TAPBP: variants seen among roughly 807,000 people sequenced by gnomAD.
TAPBP encodes the protein TAP binding protein, also known as tapasin.
In TAPBP, 38 loss-of-function variants were observed where a neutral mutation model predicts 45.7. The ratio of observed to expected loss-of-function variants is 0.83; its 90% confidence interval spans 0.64 to 1.09. TAPBP has a LOEUF of 1.09. TAPBP is among the 50% of genes least tolerant of loss of function. The probability of loss-of-function intolerance (pLI) is 0.00; values close to 1 mark genes in which losing one functional copy is unlikely to be tolerated. For missense variants in TAPBP, 513 were observed against 587.3 expected, an observed-to-expected ratio of 0.87 and a Z score of 1.31; for synonymous variants, 226 against 254.8, an observed-to-expected ratio of 0.89 and a Z score of 1.08.
chr6:33,307,296 A>C (rs1581746503), intron 3 of TAPBP, among the ~76,000 whole-genome samples: 1 of 152,130 alleles, frequency 6.6e-6, no homozygotes, highest in Non-Finnish European at 1.5e-5. Flanking sequence ...TCAAAACTAA[A>C]TAAATAAATA....
In TAPBP at chr6:33,304,631, G is replaced by C. The variant is rs555796568; in HGVS notation, c.876C>G (p.Pro292=). The C allele has an allele frequency of 2.9e-5, 46 of 1,565,730 alleles. No individual in the cohort carries two copies. The African/African-American group carries it at 5.0e-4, about 17-fold the overall frequency. Residue 292 remains proline (P), a synonymous_variant, in exon 5 of 8, where the codon CCC becomes CCG. Coordinates refer to ENST00000434618, the MANE Select transcript of TAPBP (RefSeq NM_003190.5). ...GGGTTGCTGGCATCAGGGACACTTTGGGGGGTTCTGGGGAAAGAGGACGAA... is the reference window on the plus strand; with the variant it reads ...GGGTTGCTGGCATCAGGGACACTTTCGGGGGTTCTGGGGAAAGAGGACGAA... ...VTLELAVYKP[P]KVSLMPATLA...
rs1046755225 is a variant in TAPBP at position 33,299,779 on chromosome 6, C to A, written c.*1981G>T. 6.6e-6 allele frequency: 1 copy of A among 152,378 alleles called. No individual in the cohort carries two copies. Among genetic ancestry groups the A allele is most frequent in the Non-Finnish European group, 1.5e-5 (1 of 68,180 alleles). The allele number at this position is 152,378 out of a possible 1,614,324, so 9.4% of individuals were successfully genotyped here. A position where few individuals can be genotyped will look rare whatever the true frequency, so the allele number is the denominator to read the frequency against. ...TGGCCGACCGTCCTGACTCGGAGAT[C>A]CCTGAGCTGCGCCGCCGCTTCCTTC... On this transcript the variant is annotated 3_prime_UTR_variant, in exon 8 of 8. Coordinates refer to ENST00000434618, the MANE Select transcript of TAPBP (RefSeq NM_003190.5). The surrounding 1 kb of genome is among the most constrained non-coding windows in gnomAD (Gnocchi z 5.0).
chr6:33,313,055 G>T lies in TAPBP; in HGVS notation c.469+162C>A, dbSNP rs1231294792. The T allele has an allele frequency of 1.7e-5, 12 of 726,040 alleles. No homozygotes were observed. The highest frequency in any genetic ancestry group is 1.6e-4 in the African/African-American group (9 of 56,202). 45.0% of individuals were successfully genotyped at this position (726,040 alleles called of 1,614,324 possible). ...TAACTGGGTGAGGGCTAGAAGGAGCGGTAGAGATTGATTCATTCTAGCCAA... is the reference window on the plus strand; with the variant it reads ...TAACTGGGTGAGGGCTAGAAGGAGCTGTAGAGATTGATTCATTCTAGCCAA... On this transcript the variant is annotated intron_variant, in intron 3 of 7. Transcript: ENST00000434618. This position sits in a 1 kb window ranked among gnomAD's most constrained non-coding sequence, Gnocchi z 7.2.
chr6:33,301,978 G>T (rs1254772474), intron 7 of TAPBP, among the ~76,000 whole-genome samples: 1 of 152,024 alleles, frequency 6.6e-6, no homozygotes, highest in Non-Finnish European at 1.5e-5. Flanking sequence ...CCTCCTAAAA[G>T]TCCTCTCAGG....
chr6:33,303,397 C>T (rs944434831), intron 7 of TAPBP, among the ~76,000 whole-genome samples: 2 of 151,632 alleles, frequency 1.3e-5, no homozygotes, highest in African/African-American at 2.4e-5. Flanking sequence ...CCAGCCTGGG[C>T]GACAGAGACT....
Position 33,304,700 on chromosome 6 carries a change from C to T in TAPBP, c.869-62G>A, listed in dbSNP as rs905583435. ...GTCCATACTGTCCTCCCTAAGAGAC[C>T]CTCAGTTTGCCTGCTGGCTTCCTCA... On this transcript the variant is annotated intron_variant, in intron 4 of 7. Coordinates refer to ENST00000434618, the MANE Select transcript of TAPBP (RefSeq NM_003190.5). The T allele has an allele frequency of 5.4e-6, 8 of 1,479,624 alleles. No homozygotes were observed. The African/African-American group carries it at 7.0e-5, about 13-fold the overall frequency. The allele number at this position is 1,479,624 out of a possible 1,614,324, so 91.7% of individuals were successfully genotyped here.
At position 33,304,311 on chromosome 6, in the gene TAPBP, G is replaced by T. The variant is rs372354865; in HGVS notation, c.1196C>A (p.Thr399Asn). 1.9e-5 allele frequency: 31 copies of T among 1,603,180 alleles called. No individual in the cohort carries two copies. The African/African-American group carries it at 3.9e-4, about 20-fold the overall frequency. ...LPASGRSAEVTLEVAGLSGPS... is the reference protein window; with the variant it reads ...LPASGRSAEVNLEVAGLSGPS... ...CCAGCTCTTACCTGCTACCTCCAGG[G>T]TGACCTCAGCGCTGCGCCCCGAGGC... The change falls in exon 5 of 8, where the codon ACC (threonine) becomes AAC (asparagine). Residue 399 changes from threonine (T) to asparagine (N), a missense_variant. Transcript: ENST00000434618.
intron 7 of TAPBP, 84 bp from the exon 8 acceptor site, chr6:33,301,855 A>G (rs1768611634): frequency 6.3e-7 from 1 of 1,590,460 alleles, no homozygotes; most frequent in Admixed American, 1.7e-5. Flanking sequence ...CATATAAACT[A>G]TCATGGGCAC....
In TAPBP at chr6:33,304,322, G is replaced by A. The variant is rs369975343; in HGVS notation, c.1185C>T (p.Ser395=). 3.5e-5 allele frequency: 56 copies of A among 1,605,982 alleles called. No homozygotes were observed. The highest frequency in any genetic ancestry group is 1.6e-4 in the African/African-American group (12 of 74,888). Residue 395 remains serine, a synonymous_variant, in exon 5 of 8, where the codon AGC becomes AGT. Coordinates refer to ENST00000434618, the MANE Select transcript of TAPBP (RefSeq NM_003190.5). ...HHPSLPASGR[S]AEVTLEVAGL... ...CTGCTACCTCCAGGGTGACCTCAGCGCTGCGCCCCGAGGCAGGCAGGCTGG... is the reference window on the plus strand; with the variant it reads ...CTGCTACCTCCAGGGTGACCTCAGCACTGCGCCCCGAGGCAGGCAGGCTGG...
rs749890322 is a variant in TAPBP at position 33,313,314 on chromosome 6, C to T, written c.372G>A (p.Leu124=). ...GGACTGGGCTGGATATGCTGACCAT[C>T]AGCCAAGCCCCATCCAGGGCCCGCG... The part of the protein sequence containing the change: ...NCPRALDGAW[L]MVSISSPVLS... The change falls in exon 3 of 8, where the codon CTG becomes CTA. Residue 124 remains leucine (L), a synonymous_variant. Transcript: ENST00000434618. The surrounding 1 kb of genome is among the most constrained non-coding windows in gnomAD (Gnocchi z 7.2). 3 of 1,613,574 alleles carry T rather than the reference C, an allele frequency of 1.9e-6. No individual in the cohort carries two copies. Among genetic ancestry groups the T allele is most frequent in the Non-Finnish European group, 1.7e-6 (2 of 1,179,940 alleles).
Position 33,313,386 on chromosome 6 carries a change from G to C in TAPBP, c.300C>G (p.Pro100=). 1 of 1,612,266 alleles carries C rather than the reference G, an allele frequency of 6.2e-7. No individual in the cohort carries two copies. Among genetic ancestry groups the C allele is most frequent in the South Asian group, 1.1e-5 (1 of 91,036 alleles). Residue 100 remains proline (P), a synonymous_variant, in exon 3 of 8, where the codon CCC becomes CCG. Coordinates refer to ENST00000434618, the MANE Select transcript of TAPBP (RefSeq NM_003190.5). This position sits in a 1 kb window ranked among gnomAD's most constrained non-coding sequence, Gnocchi z 7.2. Reference sequence around the variant, plus strand: ...GGCCGCTGGCCCATTTCGCAGAGGCGGGGAGAGGCACGAAGCGGCTCATCT... The same window carrying C: ...GGCCGCTGGCCCATTTCGCAGAGGCCGGGAGAGGCACGAAGCGGCTCATCT... ...HCEMSRFVPL[P]ASAKWASGLT...
At position 33,304,110 on chromosome 6, in the gene TAPBP, G is replaced by C. The variant is rs1187867632; in HGVS notation, c.1300+18C>G. On this transcript the variant is annotated intron_variant, in intron 6 of 7. Coordinates refer to ENST00000434618, the MANE Select transcript of TAPBP (RefSeq NM_003190.5). ...TCCACCAACCTCAGGTCATGGTCAG[G>C]GTAGGGCTGACACTTACCAGCCCAG... 1.2e-6 allele frequency: 2 copies of C among 1,612,698 alleles called. No individual in the cohort carries two copies. Among genetic ancestry groups the C allele is most frequent in the African/African-American group, 2.7e-5 (2 of 74,666 alleles).
chr6:33,312,985 C>T (rs1274543545), intron 3 of TAPBP: 3 of 456,034 alleles, frequency 6.6e-6, no homozygotes, highest in Non-Finnish European at 7.6e-6. Flanking sequence ...CCTGCTTTCC[C>T]CCTACCCCCT....
At chr6:33,307,391 CTTCTT>C (rs1769045761) in intron 3 of TAPBP, among the ~76,000 whole-genome samples, 1 of 129,620 alleles carries the variant, frequency 7.7e-6, no homozygotes, top group Non-Finnish European at 1.6e-5. Context: ...TCTAGCCCTG[CTTCTT>C]TTTTTTTTTT....
At position 33,301,255 on chromosome 6, in the gene TAPBP, G is replaced by A. The variant is rs1384557772; in HGVS notation, c.*505C>T. Reference sequence around the variant, plus strand: ...GTCCTAGAGCTCCAAGAAGGTGAATGCCATAAGATGTGTGTTTTTTAAAAA... The same window carrying A: ...GTCCTAGAGCTCCAAGAAGGTGAATACCATAAGATGTGTGTTTTTTAAAAA... On this transcript the variant is annotated 3_prime_UTR_variant, in exon 8 of 8. Coordinates refer to ENST00000434618, the MANE Select transcript of TAPBP (RefSeq NM_003190.5). 6.5e-6 allele frequency: 1 copy of A among 154,912 alleles called. No homozygotes were observed. Among genetic ancestry groups the A allele is most frequent in the Non-Finnish European group, 1.4e-5 (1 of 69,858 alleles). 9.6% of individuals were successfully genotyped at this position (154,912 alleles called of 1,614,324 possible).
intron 3 of TAPBP, among the ~76,000 whole-genome samples, chr6:33,309,719 C>T (rs1176323148): frequency 3.0e-5 from 3 of 99,232 alleles, no homozygotes; most frequent in African/African-American, 1.2e-4. Context: ...CGACACCCAA[C>T]CTTTTTTTTT....
rs1437693875 is a variant in TAPBP, at chr6:33,304,496, C to T, written c.1011G>A (p.Gly337=). 1.2e-6 allele frequency: 2 copies of T among 1,613,282 alleles called. No individual in the cohort carries two copies. Among genetic ancestry groups the T allele is most frequent in the East Asian group, 4.5e-5 (2 of 44,856 alleles). ...GCCCCTCGGCCTTCTGAGAGCGGCC[C>T]CCTGGGCCACCCCGGAGTTCCCACT... ...EVEWELRGGP[G]GRSQKAEGQR... Residue 337 remains glycine (G), a synonymous_variant, in exon 5 of 8, where the codon GGG becomes GGA. Coordinates refer to ENST00000434618, the MANE Select transcript of TAPBP (RefSeq NM_003190.5).
At chr6:33,306,621 C>T (rs1014224780) in intron 3 of TAPBP, among the ~76,000 whole-genome samples, 18 of 152,222 alleles carry the variant, frequency 1.2e-4, no homozygotes, top group African/African-American at 4.1e-4. Flanking sequence ...CCTTCAACTC[C>T]TTCTTCACAC....
At chr6:33,303,784 A>G in intron 7 of TAPBP, 171 bp downstream of exon 7, 1 of 1,555,988 alleles carries the variant, frequency 6.4e-7, no homozygotes, top group South Asian at 1.2e-5. Flanking sequence ...ATTAAGTAGC[A>G]TGCTCAAAGA....
Sources: gnomAD v4.1 joint callset for allele counts (sites outside exome capture counted in the v4.1 genomes callset) on GRCh38, gnomAD v4.1.1 for gene constraint, Gnocchi (gnomAD v3.1) non-coding constraint, MANE v1.5 for transcripts, NCBI Gene and HGNC (gene_info 2026-07-23, HGNC 2026-07-21) for gene names.